KHDRBS2: variants seen among roughly 807,000 people sequenced by gnomAD.
KHDRBS2 encodes KH domain-containing, RNA-binding, signal transduction-associated protein 2.
KHDRBS2 carries 26 observed loss-of-function variants against 44.3 expected under a neutral mutation model. The ratio of observed to expected loss-of-function variants is 0.59; its 90% CI spans 0.43 to 0.81. The LOEUF (loss-of-function observed/expected upper bound fraction) is 0.81, where lower values mean the gene tolerates loss of function less well. Among genes scored for constraint, KHDRBS2 ranks in the 40% least tolerant of loss-of-function variants. The probability of loss-of-function intolerance (pLI) is 0.00; values close to 1 mark genes in which losing one functional copy is unlikely to be tolerated. For missense variants in KHDRBS2, 476 were observed against 433.1 expected, an observed-to-expected ratio of 1.10 and a Z score of -0.88; for synonymous variants, 194 against 151.1, an observed-to-expected ratio of 1.28 and a Z score of -2.08.
chr6:61,728,821 T>C (rs1410903732), intron 7 of KHDRBS2, among the ~76,000 whole-genome samples: 1 of 152,184 alleles, frequency 6.6e-6, no homozygotes, highest in Non-Finnish European at 1.5e-5. Context: ...TCTTCTTCTT[T>C]TTTTACTATA....
intron 2 of KHDRBS2, among the ~76,000 whole-genome samples, chr6:62,054,978 A>G (rs537022748): frequency 1.3e-5 from 2 of 152,222 alleles, no homozygotes; most frequent in Non-Finnish European, 2.9e-5. Context: ...TAATTCCTAC[A>G]TCATAACAGA....
intron 1 of KHDRBS2, among the ~76,000 whole-genome samples, chr6:62,260,836 C>T (rs1838217618): frequency 6.6e-6 from 1 of 151,628 alleles, no homozygotes; most frequent in African/African-American, 2.4e-5. Flanking sequence ...TGCACAATAC[C>T]TAAATAAAAA....
chr6:61,824,183 T>C (rs1014444215), intron 6 of KHDRBS2, among the ~76,000 whole-genome samples: 2 of 152,088 alleles, frequency 1.3e-5, no homozygotes, highest in Admixed American at 1.3e-4. Flanking sequence ...TCAAATGATA[T>C]GGTTTGGCTC....
At chr6:62,224,751 T>G (rs142885529) in intron 1 of KHDRBS2, among the ~76,000 whole-genome samples, 2 of 152,324 alleles carry the variant, frequency 1.3e-5, no homozygotes, top group African/African-American at 4.8e-5. Context: ...TTTCCACCAT[T>G]ACTAACTAAA....
chr6:61,753,889 A>G (rs1461782372), intron 6 of KHDRBS2, among the ~76,000 whole-genome samples: 1 of 152,146 alleles, frequency 6.6e-6, no homozygotes, highest in African/African-American at 2.4e-5. Context: ...CTACCATCAG[A>G]AGTGTCTTAT....
intron 1 of KHDRBS2, among the ~76,000 whole-genome samples, chr6:62,257,140 T>C (rs991546425): frequency 1.3e-5 from 2 of 152,128 alleles, no homozygotes; most frequent in African/African-American, 2.4e-5. Context: ...TAAGTATTAA[T>C]ACTGGGATTT....
chr6:61,864,855 G>A (rs563811201), intron 6 of KHDRBS2, among the ~76,000 whole-genome samples: 5 of 152,278 alleles, frequency 3.3e-5, no homozygotes, highest in East Asian at 3.9e-4. Flanking sequence ...TCTGAAGTAT[G>A]TTTTCCATTC....
the KHDRBS2 span, among the ~76,000 whole-genome samples, chr6:61,671,494 A>G: frequency 1.2e-4 from 18 of 151,686 alleles, no homozygotes; most frequent in South Asian, 2.1e-4. Context: ...GACTGAGAAA[A>G]CAACATATCA....
chr6:62,281,536 C>T (rs188478989), intron 1 of KHDRBS2, among the ~76,000 whole-genome samples: 241 of 152,202 alleles, frequency 1.6e-3, no homozygotes, highest in African/African-American at 5.4e-3. Flanking sequence ...AGGAGAATTG[C>T]TTGAACCCAG....
chr6:61,758,832 A>C (rs566303603), intron 6 of KHDRBS2, among the ~76,000 whole-genome samples: 5 of 152,254 alleles, frequency 3.3e-5, no homozygotes, highest in African/African-American at 1.2e-4. Context: ...TATTTAGGGT[A>C]TAGGAGACAT....
At chr6:62,192,632 G>C (rs1824860925) in intron 1 of KHDRBS2, among the ~76,000 whole-genome samples, 1 of 151,970 alleles carries the variant, frequency 6.6e-6, no homozygotes, top group Non-Finnish European at 1.5e-5. Context: ...TATAGAGGTG[G>C]GCCATTATTC....
At chr6:61,626,646 GTT>G in the KHDRBS2 span, among the ~76,000 whole-genome samples, 1 of 152,176 alleles carries the variant, frequency 6.6e-6, no homozygotes, top group African/African-American at 2.4e-5. Flanking sequence ...TGCAAAAAGA[GTT>G]ATTTCTATTC....
the KHDRBS2 span, among the ~76,000 whole-genome samples, chr6:61,600,264 T>C: frequency 6.6e-6 from 1 of 152,122 alleles, no homozygotes; most frequent in Non-Finnish European, 1.5e-5. Flanking sequence ...CTGAAGTAAC[T>C]GAAAAATCAC....
At chr6:62,171,256 C>G (rs896714967) in intron 2 of KHDRBS2, among the ~76,000 whole-genome samples, 1 of 151,784 alleles carries the variant, frequency 6.6e-6, no homozygotes, top group African/African-American at 2.4e-5. Flanking sequence ...TCTGATAGAG[C>G]TGAAAAATGG....
chr6:61,938,306 CTT>C (rs1811428783), intron 4 of KHDRBS2, among the ~76,000 whole-genome samples: 1 of 152,028 alleles, frequency 6.6e-6, no homozygotes, highest in African/African-American at 2.4e-5. Flanking sequence ...AGTTAGAAAT[CTT>C]AACTTGCTAG....
chr6:61,595,665 G>C, the KHDRBS2 span, among the ~76,000 whole-genome samples: 17 of 151,632 alleles, frequency 1.1e-4, no homozygotes, highest in Non-Finnish European at 2.1e-4. Context: ...ATTTTGAGCT[G>C]TTTCATATTT....
intron 6 of KHDRBS2, among the ~76,000 whole-genome samples, chr6:61,883,340 G>T (rs778730209): frequency 6.6e-6 from 1 of 152,002 alleles, no homozygotes; most frequent in Non-Finnish European, 1.5e-5. Context: ...ACAGAGCCTA[G>T]AGGAAACTTT....
chr6:61,720,405 G>C (rs1772250693), intron 7 of KHDRBS2, among the ~76,000 whole-genome samples: 1 of 152,052 alleles, frequency 6.6e-6, no homozygotes, highest in Non-Finnish European at 1.5e-5. Flanking sequence ...CAGTGTAAAA[G>C]TGTTCCTATT....
At chr6:62,134,639 C>T (rs1331574245) in intron 2 of KHDRBS2, among the ~76,000 whole-genome samples, 22 of 152,154 alleles carry the variant, frequency 1.4e-4, no homozygotes. Flanking sequence ...CAATGCCAGC[C>T]TGTGAAAGCA....
Sources: allele counts gnomAD v4.1 joint callset (sites outside exome capture counted in the v4.1 genomes callset), GRCh38; gene constraint gnomAD v4.1.1; transcripts MANE v1.5; gene names NCBI Gene and HGNC (gene_info 2026-07-23, HGNC 2026-07-21).